Variants in BRF1 observed in about 807,000 individuals in gnomAD.
BRF1 encodes BRF1 general transcription factor IIIB subunit, also known as transcription factor IIIB 90 kDa subunit.
BRF1 carries 59 observed loss-of-function variants against 81.7 expected under a neutral mutation model. The observed-to-expected ratio is 0.72, with a 90% confidence interval of 0.59 to 0.90. The LOEUF (loss-of-function observed/expected upper bound fraction) is 0.90. Among genes scored for constraint, BRF1 ranks in the 40% least tolerant of loss-of-function variants. The probability of loss-of-function intolerance (pLI) is 0.00; values close to 1 mark genes in which losing one functional copy is unlikely to be tolerated. For synonymous variants in BRF1, 491 were observed against 395.6 expected (o/e 1.24, Z -2.86); for missense variants, 1,050 against 936.3 (o/e 1.12, Z -1.58).
intron 2 of BRF1, among the ~76,000 whole-genome samples, chr14:105,280,928 G>A (rs1225241565): frequency 1.4e-5 from 2 of 145,582 alleles, no homozygotes; most frequent in Admixed American, 6.8e-5. Flanking sequence ...GAGCCCAGGT[G>A]TGTGGACAGA....
intron 1 of BRF1, among the ~76,000 whole-genome samples, chr14:105,290,294 C>G (rs587654253): frequency 6.6e-6 from 1 of 152,230 alleles, no homozygotes; most frequent in South Asian, 2.1e-4. Context: ...TGGCACATGC[C>G]TGTAATCCCA....
chr14:105,247,411 C>A, intron 5 of BRF1: 2 of 985,430 alleles, frequency 2.0e-6, no homozygotes, highest in Non-Finnish European at 2.4e-6. Context: ...GCACTCTGGG[C>A]CATTGCATGG....
At chr14:105,287,981 G>A (rs1456860726) in intron 1 of BRF1, among the ~76,000 whole-genome samples, 1 of 152,220 alleles carries the variant, frequency 6.6e-6, no homozygotes, top group African/African-American at 2.4e-5. Flanking sequence ...GGTGGGTAAC[G>A]TGGCCACAGG....
chr14:105,247,530 G>T (rs954015715), intron 5 of BRF1: 2 of 985,192 alleles, frequency 2.0e-6, no homozygotes, highest in Non-Finnish European at 2.4e-6. Flanking sequence ...TGAAAATACC[G>T]CAAATATCTT....
chr14:105,297,767 C>T (rs1298617741), intron 1 of BRF1, among the ~76,000 whole-genome samples: 1 of 151,530 alleles, frequency 6.6e-6, no homozygotes, highest in Non-Finnish European at 1.5e-5. Flanking sequence ...GAGGCTGAGG[C>T]AGGTGGATCA....
intron 6 of BRF1, among the ~76,000 whole-genome samples, chr14:105,229,729 G>T: frequency 1.7e-5 from 1 of 59,504 alleles, no homozygotes; most frequent in East Asian, 5.0e-4. Flanking sequence ...TGTCCGCGTA[G>T]TCGCCCAGCT....
chr14:105,286,520 G>A (rs886256567), intron 1 of BRF1, 144 bp from the exon 2 acceptor site: 10 of 809,960 alleles, frequency 1.2e-5, no homozygotes, highest in Non-Finnish European at 1.8e-5. Context: ...CCGCACCTCC[G>A]TCACTGAGCC....
At chr14:105,211,480 T>A in intron 16 of BRF1, 187 bp from the exon 17 acceptor site, 1 of 579,612 alleles carries the variant, frequency 1.7e-6, no homozygotes, top group Non-Finnish European at 3.0e-6. Flanking sequence ...TGCCATGAGC[T>A]GTGTCAGCAT....
intron 2 of BRF1, among the ~76,000 whole-genome samples, chr14:105,283,443 T>C (rs762629474): frequency 6.6e-6 from 1 of 152,090 alleles, no homozygotes; most frequent in Admixed American, 6.5e-5. Flanking sequence ...CCATCCCCAG[T>C]AAGACTCAAG....
At chr14:105,227,272 T>A (rs587633496) in intron 7 of BRF1, 1 of 154,192 alleles carries the variant, frequency 6.5e-6, no homozygotes, top group African/African-American at 2.4e-5. Flanking sequence ...TAACAAAAAT[T>A]AGCTGGGCAT....
rs765115185 is a variant in BRF1, at chr14:105,221,777, C to A, written c.1186G>T (p.Ala396Ser). Residue 396 changes from alanine (A) to serine (S), a missense_variant, in exon 11 of 18, where the codon GCA becomes TCA. By Grantham distance (99) the Ala-to-Ser change is moderately conservative. Transcript: ENST00000547530. Reference protein sequence around the residue: ...LGGAPGSSEAAGSPEWGGRPP... With the variant: ...LGGAPGSSEASGSPEWGGRPP... The stretch of plus-strand genomic sequence containing the variant: ...CTGCCGCCCCACTCGGGGCTTCCTG[C>A]TGCTTCCGAGCTGCCGGGGGCACCA... 6.2e-7 allele frequency: 1 copy of A among 1,611,840 alleles called. No individual in the cohort carries two copies. Among genetic ancestry groups the A allele is most frequent in the South Asian group, 1.1e-5 (1 of 90,988 alleles).
upstream of BRF1, among the ~76,000 whole-genome samples, chr14:105,301,498 C>A (rs1489237743): frequency 1.3e-5 from 2 of 150,976 alleles, no homozygotes; most frequent in African/African-American, 4.9e-5. Flanking sequence ...ACCCCGGGCT[C>A]TGGGAGTGGT....
intron 1 of BRF1, among the ~76,000 whole-genome samples, chr14:105,288,637 C>CT (rs747428235): frequency 0.01 from 1,395 of 137,018 alleles, 6 homozygotes; most frequent in Non-Finnish European, 0.015. Context: ...TTCTTTCTTT[C>CT]TTTTTTTTTT....
chr14:105,315,044 G>A lies in BRF1; in HGVS notation c.-162+278C>T, dbSNP rs1291353411. On this transcript the variant is annotated intron_variant, in intron 1 of 17. Coordinates refer to the BRF1 transcript ENST00000327359. The surrounding 1 kb of genome is among the most constrained non-coding windows in gnomAD (Gnocchi z 4.4). ...GCCCCAGCTGCGTGCCCAGGTACGC[G>A]CCGCCCGCCGCGCTTTGTTCCCGCC... is the stretch of plus-strand genomic sequence containing the variant. 1.7e-5 allele frequency: 20 copies of A among 1,171,260 alleles called. No individual in the cohort carries two copies. Among genetic ancestry groups the A allele is most frequent in the East Asian group, 5.1e-5 (1 of 19,684 alleles). 72.6% of individuals were successfully genotyped at this position (1,171,260 alleles called of 1,614,324 possible).
chr14:105,258,850 A>G (rs2056017298), intron 3 of BRF1, among the ~76,000 whole-genome samples: 1 of 152,208 alleles, frequency 6.6e-6, no homozygotes. Flanking sequence ...CAAAATAAAA[A>G]AAGGCAAAAC....
At position 105,241,675 on chromosome 14, in the gene BRF1, A is replaced by G. The variant is rs892001199; in HGVS notation, c.545-261T>C. 1.5e-4 allele frequency: 79 copies of G among 536,066 alleles called. 1 individual carries two copies. The highest frequency in any genetic ancestry group is 1.0e-3 in the Middle Eastern group (2 of 1,936). 33.2% of individuals were successfully genotyped at this position (536,066 alleles called of 1,614,324 possible). A position where few individuals can be genotyped will look rare whatever the true frequency, so the allele number is the denominator to read the frequency against. The stretch of plus-strand genomic sequence containing the variant: ...GGGCCAGGCAGCGTGCTCCTACTGC[A>G]TGGCCGCCCTGCTCAGGACACAGAG... On this transcript the variant is annotated intron_variant, in intron 5 of 17. Coordinates refer to ENST00000547530, the MANE Select transcript of BRF1 (RefSeq NM_001519.4).
intron 10 of BRF1, 143 bp downstream of exon 10, chr14:105,225,926 G>T: frequency 1.2e-6 from 1 of 842,292 alleles, no homozygotes; most frequent in Non-Finnish European, 1.8e-6. Context: ...GATTACAGGC[G>T]TGAGCCACCC....
chr14:105,268,500 C>T (rs2056520503), intron 3 of BRF1, among the ~76,000 whole-genome samples: 1 of 152,258 alleles, frequency 6.6e-6, no homozygotes, highest in Non-Finnish European at 1.5e-5. Flanking sequence ...TGTGTGTGCA[C>T]AGCCCCCGGC....
intron 1 of BRF1, among the ~76,000 whole-genome samples, chr14:105,314,159 G>A (rs2058440840): frequency 6.6e-6 from 1 of 152,148 alleles, no homozygotes; most frequent in Non-Finnish European, 1.5e-5. Context: ...CCACCTCCCT[G>A]CGTCCCGGGG....
Sources: allele counts gnomAD v4.1 joint callset (sites outside exome capture counted in the v4.1 genomes callset), GRCh38; gene constraint gnomAD v4.1.1; non-coding constraint Gnocchi (gnomAD v3.1); transcripts MANE v1.5; gene names NCBI Gene and HGNC (gene_info 2026-07-23, HGNC 2026-07-21).